TRDN: variants seen among roughly 807,000 people sequenced by gnomAD.
TRDN encodes the protein triadin in skeletal muscle.
TRDN carries 161 observed loss-of-function variants against 149.7 expected under a neutral mutation model. The observed-to-expected ratio is 1.08, with a 90% CI of 0.95 to 1.23. The LOEUF is 1.23. Ranked by LOEUF, TRDN falls within the 50% of genes most tolerant of loss-of-function variation. TRDN has a pLI of 0.00. For synonymous variants in TRDN, 294 were observed against 250.5 expected, an observed-to-expected ratio of 1.17 and a Z score of -1.64; for missense variants, 896 against 823.5, an observed-to-expected ratio of 1.09 and a Z score of -1.08.
intron 20 of TRDN, among the ~76,000 whole-genome samples, chr6:123,364,065 G>T (rs1780997400): frequency 6.6e-6 from 1 of 152,180 alleles, no homozygotes; most frequent in Non-Finnish European, 1.5e-5. Context: ...TGTATGTCAT[G>T]TTCCTTGTTC....
At position 123,266,555 on chromosome 6, in the gene TRDN, AT is replaced by A. The variant is rs1776993636; in HGVS notation, c.1783+1151del. Among the ~76,000 whole-genome samples, 2 of 66,684 alleles carry A rather than the reference AT, an allele frequency of 3.0e-5. 1 individual carries two copies. The highest frequency in any genetic ancestry group is 1.4e-4 in the African/African-American group (2 of 14,298). The allele number at this position is 66,684 out of a possible 152,430, so 43.7% of individuals were successfully genotyped here. A position where few individuals can be genotyped will look rare whatever the true frequency, so the allele number is the denominator to read the frequency against. ...ATATATATATTATAATATGTATTAT[AT>A]ATAATATATATATTATAATATGTAT... On this transcript the variant is annotated intron_variant, in intron 32 of 40. Coordinates refer to ENST00000334268, the MANE Select transcript of TRDN (RefSeq NM_006073.4).
At chr6:123,558,767 C>G (rs1781815689) in intron 2 of TRDN, among the ~76,000 whole-genome samples, 2 of 151,828 alleles carry the variant, frequency 1.3e-5, no homozygotes, top group African/African-American at 4.8e-5. Context: ...TAGAGGCAGC[C>G]AAGTAGCAAT....
chr6:123,268,074 T>C (rs1777075696), intron 31 of TRDN, among the ~76,000 whole-genome samples: 1 of 152,142 alleles, frequency 6.6e-6, no homozygotes, highest in African/African-American at 2.4e-5. Context: ...TTGCTGAAAG[T>C]TGAATCATTC....
chr6:123,513,094 C>A (rs1048010222), intron 6 of TRDN, among the ~76,000 whole-genome samples: 1 of 152,134 alleles, frequency 6.6e-6, no homozygotes, highest in Non-Finnish European at 1.5e-5. Flanking sequence ...GAGCAAGTGT[C>A]CCTAACACAT....
At chr6:123,277,302 CT>C (rs1777402691) in intron 26 of TRDN, among the ~76,000 whole-genome samples, 1 of 152,014 alleles carries the variant, frequency 6.6e-6, no homozygotes. Context: ...ATGGTTAGGA[CT>C]TTTAGAAATG....
At chr6:123,374,144 T>A (rs1261009590) in intron 19 of TRDN, among the ~76,000 whole-genome samples, 1 of 152,168 alleles carries the variant, frequency 6.6e-6, no homozygotes, top group East Asian at 1.9e-4. Flanking sequence ...CTTATGAAAC[T>A]TATATTGTGT....
intron 38 of TRDN, among the ~76,000 whole-genome samples, chr6:123,237,947 C>T (rs1302433331): frequency 2.6e-5 from 4 of 152,074 alleles, no homozygotes; most frequent in African/African-American, 7.2e-5. Context: ...CAGCATTCCC[C>T]TATTCTATCA....
At chr6:123,443,620 G>A (rs1433271595) in intron 10 of TRDN, among the ~76,000 whole-genome samples, 4 of 152,142 alleles carry the variant, frequency 2.6e-5, no homozygotes, top group African/African-American at 7.2e-5. Context: ...GGGAAATCCC[G>A]TCACGACTAA....
At chr6:123,456,957 A>C (rs1253065575) in intron 10 of TRDN, 1 of 409,166 alleles carries the variant, frequency 2.4e-6, no homozygotes, top group Non-Finnish European at 5.0e-6. Context: ...TATAAGGAAA[A>C]ATTGGTACTT....
intron 24 of TRDN, among the ~76,000 whole-genome samples, chr6:123,282,726 C>CTAT (rs150748276): frequency 0.18 from 27,521 of 151,550 alleles, 3,118 homozygotes; most frequent in East Asian, 0.54. Context: ...AGAAACTGCT[C>CTAT]TATTAGATCA....
chr6:123,484,266 G>A (rs7751894), intron 9 of TRDN, among the ~76,000 whole-genome samples: 5,905 of 152,094 alleles, frequency 0.039, 333 homozygotes, highest in African/African-American at 0.12. Context: ...TTAAAAATAT[G>A]TCCGCTTAAG....
chr6:123,480,963 AAAC>A (rs1777722754), intron 9 of TRDN, among the ~76,000 whole-genome samples: 1 of 151,986 alleles, frequency 6.6e-6, no homozygotes, highest in Non-Finnish European at 1.5e-5. Flanking sequence ...TTTTCATTTT[AAAC>A]AACCTTAAGA....
chr6:123,580,454 T>C (rs1783067594), intron 1 of TRDN, among the ~76,000 whole-genome samples: 1 of 152,182 alleles, frequency 6.6e-6, no homozygotes, highest in Admixed American at 6.5e-5. Flanking sequence ...TACCTAGAGT[T>C]ACAACTTCTC....
chr6:123,521,402 G>T (rs1162681729), intron 5 of TRDN, among the ~76,000 whole-genome samples: 2 of 152,046 alleles, frequency 1.3e-5, no homozygotes, highest in Non-Finnish European at 2.9e-5. Context: ...CAGAGGGAAT[G>T]CATATCCTGT....
intron 21 of TRDN, among the ~76,000 whole-genome samples, chr6:123,344,185 C>T (rs1257818189): frequency 6.6e-6 from 1 of 152,044 alleles, no homozygotes; most frequent in African/African-American, 2.4e-5. Context: ...AACTAATACA[C>T]CCTCTTCAAG....
chr6:123,556,053 ATAAT>A (rs2114473851), intron 2 of TRDN, among the ~76,000 whole-genome samples: 1 of 152,294 alleles, frequency 6.6e-6, no homozygotes, highest in South Asian at 2.1e-4. Context: ...CAAATATTGA[ATAAT>A]TAGATTTCAG....
At chr6:123,337,542 G>C (rs560803691) in intron 22 of TRDN, 77 bp downstream of exon 22, 2 of 589,050 alleles carry the variant, frequency 3.4e-6, no homozygotes, top group African/African-American at 2.0e-5. Flanking sequence ...CAAAGGGGAT[G>C]CAGCTAATGT....
chr6:123,383,429 T>C (rs1781792912), intron 14 of TRDN, among the ~76,000 whole-genome samples: 2 of 151,908 alleles, frequency 1.3e-5, no homozygotes, highest in Non-Finnish European at 2.9e-5. Flanking sequence ...TAGAAATCCA[T>C]AGAGAAAAAA....
intron 24 of TRDN, among the ~76,000 whole-genome samples, chr6:123,279,609 T>C (rs1777511278): frequency 6.6e-6 from 1 of 152,178 alleles, no homozygotes; most frequent in African/African-American, 2.4e-5. Flanking sequence ...CATCTTTACT[T>C]GTTTTTTCTA....
Sources: allele counts gnomAD v4.1 joint callset (sites outside exome capture counted in the v4.1 genomes callset), GRCh38; gene constraint gnomAD v4.1.1; transcripts MANE v1.5; gene names NCBI Gene and HGNC (gene_info 2026-07-23, HGNC 2026-07-21).